NLN: variants seen among roughly 807,000 people sequenced by gnomAD.
NLN encodes the protein neurolysin, mitochondrial.
Under a neutral mutation model 79.9 loss-of-function variants are expected in NLN, and 64 were observed. The ratio of observed to expected loss-of-function variants is 0.80; its 90% confidence interval spans 0.65 to 0.99. The LOEUF (loss-of-function observed/expected upper bound fraction) is 0.99, where lower values mean the gene tolerates loss of function less well. Among genes scored for constraint, NLN ranks in the 50% least tolerant of loss-of-function variants. The pLI is 0.00. For missense variants in NLN, 835 were observed against 858.7 expected, an observed-to-expected ratio of 0.97 and a Z score of 0.34; for synonymous variants, 267 against 296.6, an observed-to-expected ratio of 0.90 and a Z score of 1.02.
chr5:65,807,272 C>T (rs1760435019), intron 9 of NLN, among the ~76,000 whole-genome samples: 1 of 151,754 alleles, frequency 6.6e-6, no homozygotes, highest in Non-Finnish European at 1.5e-5. Flanking sequence ...TCAGTTAGCA[C>T]CCTGATTATA....
chr5:65,725,876 G>C (rs1212231938), intron 1 of NLN, among the ~76,000 whole-genome samples: 3 of 152,204 alleles, frequency 2.0e-5, no homozygotes, highest in Non-Finnish European at 4.4e-5. Context: ...ACTTTGGGAG[G>C]CCATGGCAGG....
chr5:65,739,729 G>C (rs1278472333), intron 1 of NLN, among the ~76,000 whole-genome samples: 2 of 151,898 alleles, frequency 1.3e-5, no homozygotes, highest in African/African-American at 2.4e-5. Context: ...GTTTCATTGT[G>C]GTTTTAATTT....
chr5:65,777,367 G>A (rs1202236593), intron 3 of NLN, 60 bp from the exon 4 acceptor site: 3 of 1,101,796 alleles, frequency 2.7e-6, no homozygotes, highest in Non-Finnish European at 4.2e-6. Context: ...TGGCCTCATA[G>A]TTTATAATTT....
chr5:65,727,432 A>G (rs1002982758), intron 1 of NLN, among the ~76,000 whole-genome samples: 5 of 152,132 alleles, frequency 3.3e-5, no homozygotes, highest in African/African-American at 1.2e-4. Flanking sequence ...AACCTCTGAA[A>G]GTGCTGGGAT....
chr5:65,788,653 TAGTG>T (rs1218133019), intron 8 of NLN, among the ~76,000 whole-genome samples, 169 bp downstream of exon 8: 1 of 151,994 alleles, frequency 6.6e-6, no homozygotes, highest in African/African-American at 2.4e-5. Flanking sequence ...CTGGGCAACA[TAGTG>T]AGGCCCTGTC....
At position 65,828,909 on chromosome 5, in the gene NLN, G is replaced by A. The variant is rs1234934122; in HGVS notation, c.*5994G>A. On this transcript the variant is annotated 3_prime_UTR_variant, in exon 13 of 13. Transcript: ENST00000380985. ...ATTGTTTATGGCTTAAGGTTGCCTC[G>A]CTCCTCATCTGTAATCAGTGAAAGT... 1.3e-5 allele frequency: 2 copies of A among 152,140 alleles called. No individual in the cohort carries two copies. The highest frequency in any genetic ancestry group is 1.9e-4 in the East Asian group (1 of 5,192). The allele number at this position is 152,140 out of a possible 1,614,324, so 9.4% of individuals were successfully genotyped here.
intron 8 of NLN, among the ~76,000 whole-genome samples, chr5:65,791,442 C>G (rs560466504): frequency 3.9e-5 from 6 of 152,260 alleles, no homozygotes; most frequent in Admixed American, 3.3e-4. Context: ...CTTGTAGTCC[C>G]AGCTACTCTA....
In NLN at chr5:65,792,495, C is replaced by A; in HGVS notation, c.1367C>A (p.Pro456His). 6.2e-7 allele frequency: 1 copy of A among 1,614,206 alleles called. No homozygotes were observed. The highest frequency in any genetic ancestry group is 8.5e-7 in the Non-Finnish European group (1 of 1,180,032). The change falls in exon 9 of 13, where the codon CCT becomes CAT. Residue 456 changes from proline to histidine, a missense_variant. Pro to His is a moderately conservative substitution (Grantham distance 77). Coordinates refer to ENST00000380985, the MANE Select transcript of NLN (RefSeq NM_020726.5). ...YNHAACFGLQ[P>H]GCLLPDGSRM... is the part of the protein sequence containing the mutation. ...CATGCGGCCTGCTTCGGTCTCCAGCCTGGCTGCCTTCTGCCTGATGGAAGC... is the reference window on the plus strand; with the variant it reads ...CATGCGGCCTGCTTCGGTCTCCAGCATGGCTGCCTTCTGCCTGATGGAAGC...
In NLN at chr5:65,748,793, T is replaced by C. The variant is rs116144852; in HGVS notation, c.42-9774T>C. Among the ~76,000 whole-genome samples, 299 of 151,838 alleles carry C rather than the reference T, an allele frequency of 2.0e-3. 3 individuals are homozygous for C. Among genetic ancestry groups the C allele is most frequent in the African/African-American group, 7.2e-3 (296 of 41,396 alleles). ...AAAAAAGAAACTGAAGTTAAGGGAG[T>C]GGTAAGCCTTGTCCACCCATCCTTA... is the stretch of plus-strand genomic sequence containing the variant. On this transcript the variant is annotated intron_variant, in intron 1 of 12. Transcript: ENST00000380985.
At chr5:65,777,651 T>C in intron 4 of NLN, 117 bp downstream of exon 4, 1 of 672,358 alleles carries the variant, frequency 1.5e-6, no homozygotes, top group Non-Finnish European at 2.5e-6. Flanking sequence ...AACTTTTGGG[T>C]GCCAACATGA....
chr5:65,752,106 T>C (rs1759114625), intron 1 of NLN, among the ~76,000 whole-genome samples: 1 of 152,042 alleles, frequency 6.6e-6, no homozygotes, highest in Non-Finnish European at 1.5e-5. Context: ...CCAGGTGTCA[T>C]GCACACCTAT....
intron 12 of NLN, among the ~76,000 whole-genome samples, chr5:65,816,470 G>T (rs565542555): frequency 6.6e-6 from 1 of 151,734 alleles, no homozygotes; most frequent in African/African-American, 2.4e-5. Flanking sequence ...AATCTGTATG[G>T]CAAACCCATG....
rs1399632203 is a variant in NLN at position 65,739,044 on chromosome 5, A to AT, written c.41+16630_41+16631insT. ...TATAAATATATAATATATATATAAA[A>AT]AATATATATAAATTAGCCTGGCTAA... On this transcript the variant is annotated intron_variant, in intron 1 of 12. Coordinates refer to ENST00000380985, the MANE Select transcript of NLN (RefSeq NM_020726.5). Among the ~76,000 whole-genome samples, 17 of 139,998 alleles carry AT rather than the reference A, an allele frequency of 1.2e-4. 1 individual carries two copies. The highest frequency in any genetic ancestry group is 4.6e-4 in the African/African-American group (17 of 36,712). 91.8% of individuals were successfully genotyped at this position (139,998 alleles called of 152,430 possible).
chr5:65,762,876 C>A, intron 2 of NLN, 84 bp from the exon 3 acceptor site: 1 of 1,277,548 alleles, frequency 7.8e-7, no homozygotes, highest in Non-Finnish European at 1.1e-6. Context: ...TTGGCATGAT[C>A]ATTCATCTGG....
chr5:65,793,030 G>T, intron 9 of NLN: 1 of 352,332 alleles, frequency 2.8e-6, no homozygotes. Flanking sequence ...TTACTTTAGT[G>T]GTTTTTCAAT....
intron 9 of NLN, among the ~76,000 whole-genome samples, chr5:65,807,051 C>T (rs1251118925): frequency 1.3e-5 from 2 of 151,946 alleles, no homozygotes; most frequent in African/African-American, 4.8e-5. Flanking sequence ...ATGGTGCCCA[C>T]CTGTAGTCCC....
At chr5:65,817,146 T>C (rs1162544321) in intron 12 of NLN, among the ~76,000 whole-genome samples, 1 of 152,206 alleles carries the variant, frequency 6.6e-6, no homozygotes, top group Non-Finnish European at 1.5e-5. Flanking sequence ...TATCAAAGTA[T>C]AATAACTGAC....
intron 1 of NLN, among the ~76,000 whole-genome samples, chr5:65,754,291 C>T (rs1013172997): frequency 1.3e-5 from 2 of 152,230 alleles, no homozygotes; most frequent in East Asian, 1.9e-4. Flanking sequence ...TCTGCTCATT[C>T]TCATAGGATG....
chr5:65,746,743 G>A (rs866634293), intron 1 of NLN, among the ~76,000 whole-genome samples: 1 of 152,072 alleles, frequency 6.6e-6, no homozygotes, highest in Non-Finnish European at 1.5e-5. Context: ...GGTGGCTCAC[G>A]CCTGTAATCC....
Sources: gnomAD v4.1 joint callset for allele counts (sites outside exome capture counted in the v4.1 genomes callset) on GRCh38, gnomAD v4.1.1 for gene constraint, MANE v1.5 for transcripts, NCBI Gene and HGNC (gene_info 2026-07-23, HGNC 2026-07-21) for gene names.